The following SERINC2 variants were observed in gnomAD, a reference collection of about 807,000 sequenced individuals.
The protein encoded by SERINC2 is tumor differentially expressed protein 2.
A neutral mutation model predicts 54.2 loss-of-function variants in SERINC2; 56 were observed. The ratio of observed to expected loss-of-function variants is 1.03; its 90% CI spans 0.83 to 1.29. The LOEUF (loss-of-function observed/expected upper bound fraction) is 1.29. Ranked by LOEUF, SERINC2 falls within the 50% of genes most tolerant of loss-of-function variation. The pLI, the probability that SERINC2 is intolerant of heterozygous loss-of-function variation, is 0.00. For synonymous variants in SERINC2, 272 were observed against 253.1 expected, an observed-to-expected ratio of 1.07 and a Z score of -0.71; for missense variants, 614 against 607.4, an observed-to-expected ratio of 1.01 and a Z score of -0.12.
In SERINC2 at chr1:31,429,041, A is replaced by G; in HGVS notation, c.844A>G (p.Thr282Ala). The G allele has an allele frequency of 6.2e-7, 1 of 1,613,786 alleles. No homozygotes were observed. The highest frequency in any genetic ancestry group is 8.5e-7 in the Non-Finnish European group (1 of 1,179,906). Residue 282 changes from threonine (T) to alanine (A), a missense_variant, in exon 7 of 10, where the codon ACC becomes GCC. Coordinates refer to ENST00000373709, the MANE Select transcript of SERINC2 (RefSeq NM_178865.5). ...SVITLYTMFV[T>A]WSALSSIPEQ... ...CATCACCCTCTACACCATGTTTGTC[A>G]CCTGGTCAGCCCTATCCAGTATCCC...
At position 31,429,515 on chromosome 1, in the gene SERINC2, C is replaced by T. The variant is rs782351751; in HGVS notation, c.990C>T (p.Phe330=). 2.5e-6 allele frequency: 4 copies of T among 1,612,750 alleles called. No individual in the cohort carries two copies. Among genetic ancestry groups the T allele is most frequent in the Non-Finnish European group, 3.4e-6 (4 of 1,179,248 alleles). Residue 330 remains phenylalanine, a synonymous_variant, in exon 8 of 10, where the codon TTC becomes TTT. Transcript: ENST00000373709. The stretch of plus-strand genomic sequence containing the variant: ...CGAGCATTGTGGGCCTCATCATCTT[C>T]CTCCTGTGCACCCTCTTCATCAGGT... The part of the protein sequence containing the change: ...DAPSIVGLII[F]LLCTLFISLR...
At position 31,429,372 on chromosome 1, in the gene SERINC2, A is replaced by G. The variant is rs782779504; in HGVS notation, c.872-25A>G. The G allele has an allele frequency of 4.4e-6, 7 of 1,598,244 alleles. No individual in the cohort carries two copies. In the East Asian group the frequency reaches 1.6e-4, roughly 36 times the overall value. ...ACCTAGGCCTGGCCTGCATGGGCTG[A>G]GGGTGATTGTGCTCCCATCTCCAGA... On this transcript the variant is annotated intron_variant, in intron 7 of 9. Transcript: ENST00000373709.
At chr1:31,414,392 G>A (rs1640724476) in intron 1 of SERINC2, 3 of 1,187,404 alleles carry the variant, frequency 2.5e-6, no homozygotes, top group Admixed American at 9.1e-5. Context: ...GCTGAATCTC[G>A]GGACTCGCTT....
At chr1:31,411,810 C>T (rs1309829543), upstream of SERINC2, among the ~76,000 whole-genome samples, 1 of 151,640 alleles carries the variant, frequency 6.6e-6, no homozygotes, top group Non-Finnish European at 1.5e-5. Context: ...CTAGCCTGGA[C>T]AACATAAGGA....
rs1318916020 is a variant in SERINC2, at chr1:31,433,018, G to A, written c.1065G>A (p.Glu355=). 5.6e-6 allele frequency: 9 copies of A among 1,606,544 alleles called. No homozygotes were observed. Among genetic ancestry groups the A allele is most frequent in the Non-Finnish European group, 7.6e-6 (9 of 1,178,540 alleles). ...TGAACAGCCTGATGCAGACCGAGGA[G>A]TGCCCACCTATGCTAGACGCCACAC... ...RQVNSLMQTE[E]CPPMLDATQQ... The change falls in exon 9 of 10, where the codon GAG becomes GAA. Residue 355 remains glutamate (E), a synonymous_variant. Coordinates refer to ENST00000373709, the MANE Select transcript of SERINC2 (RefSeq NM_178865.5).
At position 31,426,655 on chromosome 1, in the gene SERINC2, C is replaced by T; in HGVS notation, c.612C>T (p.Gly204=). The T allele has an allele frequency of 6.2e-7, 1 of 1,605,928 alleles. No individual in the cohort carries two copies. Among genetic ancestry groups the T allele is most frequent in the Non-Finnish European group, 8.5e-7 (1 of 1,173,626 alleles). The part of the protein sequence containing the change: ...EECDSRAWYA[G]LFFFTLLFYL... ...CCTCTCACTACCCCTCTGGCCCAGG[C>T]CTCTTCTTCTTCACTCTCCTCTTCT... Residue 204 remains glycine, a splice_region_variant and synonymous_variant, in exon 6 of 10, where the codon GGC becomes GGT. Transcript: ENST00000373709.
chr1:31,410,049 G>A, upstream of SERINC2: 1 of 978,484 alleles, frequency 1.0e-6, no homozygotes, highest in Non-Finnish European at 1.5e-6. Flanking sequence ...ATGGGCACAG[G>A]GCAATGGACC....
At chr1:31,420,193 G>GGGT (rs1454989995) in intron 1 of SERINC2, among the ~76,000 whole-genome samples, 1 of 152,182 alleles carries the variant, frequency 6.6e-6, no homozygotes, top group Admixed American at 6.5e-5. Flanking sequence ...AGCCATTCTG[G>GGGT]GGTGGGGTGA....
intron 6 of SERINC2, among the ~76,000 whole-genome samples, chr1:31,427,462 T>C (rs1249939442): frequency 6.6e-6 from 1 of 152,162 alleles, no homozygotes; most frequent in Non-Finnish European, 1.5e-5. Context: ...TCCCTTCTGG[T>C]CAGAGCCTCA....
chr1:31,414,268 G>GC lies in SERINC2; in HGVS notation c.39+970dup, dbSNP rs1640720610. Reference sequence around the variant, plus strand: ...GCCCGTTCTCCCTTCCCTTTCCCCAGCCCCCCTCTCCTTTCCTCTTCCCCT... The same window carrying GC: ...GCCCGTTCTCCCTTCCCTTTCCCCAGCCCCCCCTCTCCTTTCCTCTTCCCCT... On this transcript the variant is annotated intron_variant, in intron 1 of 9. Coordinates refer to ENST00000373709, the MANE Select transcript of SERINC2 (RefSeq NM_178865.5). 3.4e-5 allele frequency: 45 copies of GC among 1,329,008 alleles called. No individual in the cohort carries two copies. The South Asian group carries it at 8.2e-4, about 24-fold the overall frequency. The allele number at this position is 1,329,008 out of a possible 1,614,324, so 82.3% of individuals were successfully genotyped here.
upstream of SERINC2, among the ~76,000 whole-genome samples, chr1:31,410,688 C>T (rs1640632787): frequency 6.6e-6 from 1 of 152,210 alleles, no homozygotes; most frequent in Non-Finnish European, 1.5e-5. Flanking sequence ...CTACCTATTT[C>T]CGGGAAGGGG....
At chr1:31,427,383 C>CAA (rs1641074277) in intron 6 of SERINC2, among the ~76,000 whole-genome samples, 1 of 152,174 alleles carries the variant, frequency 6.6e-6, no homozygotes, top group Admixed American at 6.5e-5. Flanking sequence ...GGTTTGAGAT[C>CAA]TCAGCACACC....
Position 31,434,171 on chromosome 1 carries a change from T to C in SERINC2, c.1340T>C (p.Leu447Pro), listed in dbSNP as rs1553135337. ...LLYLWTLVAPLLLRNRDFS is the reference protein window; with the variant it reads ...LLYLWTLVAPPLLRNRDFS The stretch of plus-strand genomic sequence containing the variant: ...TACCTGTGGACCCTGGTAGCCCCAC[T>C]CCTCCTGCGCAACCGCGACTTCAGC... The change falls in exon 10 of 10, where the codon CTC becomes CCC. Residue 447 changes from leucine to proline, a missense_variant. By Grantham distance (98) the Leu-to-Pro change is moderately conservative. Coordinates refer to ENST00000373709, the MANE Select transcript of SERINC2 (RefSeq NM_178865.5). 5 of 1,613,548 alleles carry C rather than the reference T, an allele frequency of 3.1e-6. No individual in the cohort carries two copies. The South Asian group carries it at 5.5e-5, about 18-fold the overall frequency.
At chr1:31,423,060 C>T (rs1640939931) in intron 1 of SERINC2, among the ~76,000 whole-genome samples, 1 of 152,224 alleles carries the variant, frequency 6.6e-6, no homozygotes, top group Admixed American at 6.5e-5. Context: ...AACAGATAGC[C>T]TGTAAGCTCC....
chr1:31,410,233 C>G, upstream of SERINC2: 1 of 1,467,990 alleles, frequency 6.8e-7, no homozygotes, highest in Non-Finnish European at 9.0e-7. Flanking sequence ...CAGAGCTACT[C>G]TGGCCCCATG....
At chr1:31,431,817 G>A (rs1553134524) in intron 8 of SERINC2, among the ~76,000 whole-genome samples, 2 of 130,602 alleles carry the variant, frequency 1.5e-5, no homozygotes, top group African/African-American at 6.0e-5. Flanking sequence ...GGGTGGACAG[G>A]GTGGATAGGG....
At chr1:31,432,481 A>G (rs988334769) in intron 8 of SERINC2, among the ~76,000 whole-genome samples, 9 of 152,092 alleles carry the variant, frequency 5.9e-5, no homozygotes, top group Non-Finnish European at 1.3e-4. Context: ...ACCACCTGAC[A>G]CTAATAAAAT....
chr1:31,431,858 A>ACAGGG (rs1641235099), intron 8 of SERINC2, among the ~76,000 whole-genome samples: 1 of 133,526 alleles, frequency 7.5e-6, no homozygotes, highest in African/African-American at 3.0e-5. Context: ...GATAGGGTGG[A>ACAGGG]TAGGGTGGAT....
Position 31,413,331 on chromosome 1 carries a change from G to A in SERINC2, c.39+27G>A, listed in dbSNP as rs1262891044. On this transcript the variant is annotated intron_variant, in intron 1 of 9. Coordinates refer to ENST00000373709, the MANE Select transcript of SERINC2 (RefSeq NM_178865.5). This position sits in a 1 kb window ranked among gnomAD's most constrained non-coding sequence, Gnocchi z 5.0. ...TGAGTCCCGACCCCGGCGCCCGCCC[G>A]CGCGCGCCGCCCGTTCCTGCTGCGG... The A allele has an allele frequency of 5.8e-6, 7 of 1,212,442 alleles. No individual in the cohort carries two copies. In the Admixed American group the frequency reaches 1.6e-4, roughly 28 times the overall value. The allele number at this position is 1,212,442 out of a possible 1,614,324, so 75.1% of individuals were successfully genotyped here. A position where few individuals can be genotyped will look rare whatever the true frequency, so the allele number is the denominator to read the frequency against.
Sources: gnomAD v4.1 joint callset for allele counts (sites outside exome capture counted in the v4.1 genomes callset) on GRCh38, gnomAD v4.1.1 for gene constraint, Gnocchi (gnomAD v3.1) non-coding constraint, MANE v1.5 for transcripts, NCBI Gene and HGNC (gene_info 2026-07-23, HGNC 2026-07-21) for gene names.